The following TGFBRAP1 variants were observed in gnomAD, a reference collection of about 807,000 sequenced individuals.
The protein encoded by TGFBRAP1 is transforming growth factor-beta receptor-associated protein 1.
TGFBRAP1 carries 20 observed loss-of-function variants against 83.2 expected under a neutral mutation model. The ratio of observed to expected loss-of-function variants is 0.24; its 90% CI spans 0.17 to 0.35. TGFBRAP1 has a LOEUF of 0.35. Ranked by LOEUF, TGFBRAP1 falls within the 10% of genes least tolerant of loss-of-function variation. TGFBRAP1 has a pLI of 1.00. For missense variants in TGFBRAP1, 950 were observed against 1,099.4 expected (o/e 0.86, Z 1.92); for synonymous variants, 415 against 459.8 (o/e 0.90, Z 1.25).
chr2:105,303,269 GAATAA>G (rs1345114080), intron 2 of TGFBRAP1, among the ~76,000 whole-genome samples: 1 of 152,124 alleles, frequency 6.6e-6, no homozygotes, highest in Non-Finnish European at 1.5e-5. Context: ...GTTTCTAAAA[GAATAA>G]AATAAAATAA....
At chr2:105,309,083 T>C (rs955083703) in intron 1 of TGFBRAP1, among the ~76,000 whole-genome samples, 3 of 152,200 alleles carry the variant, frequency 2.0e-5, no homozygotes. Flanking sequence ...TGGCTCCCAT[T>C]GGAAGTGAGA....
intron 1 of TGFBRAP1, among the ~76,000 whole-genome samples, chr2:105,321,840 C>T (rs1679077575): frequency 6.6e-6 from 1 of 152,206 alleles, no homozygotes; most frequent in African/African-American, 2.4e-5. Flanking sequence ...AAAAGTCTAG[C>T]ACATTCAATT....
chr2:105,296,684 G>A (rs1462467554), intron 3 of TGFBRAP1, among the ~76,000 whole-genome samples, 174 bp from the exon 4 acceptor site: 1 of 147,942 alleles, frequency 6.8e-6, no homozygotes, highest in Non-Finnish European at 1.5e-5. Context: ...TTCCCACACT[G>A]TCAACTGTCA....
Position 105,269,313 on chromosome 2 carries a change from C to T in TGFBRAP1, c.2365G>A (p.Gly789Ser), listed in dbSNP as rs1232679356. 72 of 1,611,590 alleles carry T rather than the reference C, an allele frequency of 4.5e-5. No homozygotes were observed. Among genetic ancestry groups the T allele is most frequent in the Middle Eastern group, 1.7e-4 (1 of 6,056 alleles). ...HARRTMQVAL[G>S]LARSENLIYT... ...ATTAAGTTTTCGGACCTGGCCAGGC[C>T]GAGAGCCACCTGCATGGTCCTCCTG... The change falls in exon 11 of 12, where the codon GGC becomes AGC. Residue 789 changes from glycine to serine, a missense_variant. By Grantham distance (56) the Gly-to-Ser change is moderately conservative. Transcript: ENST00000393359. This position sits in a 1 kb window ranked among gnomAD's most constrained non-coding sequence, Gnocchi z 4.1.
At chr2:105,256,450 C>T in the TGFBRAP1 span, among the ~76,000 whole-genome samples, 13 of 152,304 alleles carry the variant, frequency 8.5e-5, no homozygotes, top group Admixed American at 3.9e-4. Context: ...CTGGCTTACC[C>T]GCACTGCCCA....
At chr2:105,299,004 C>T (rs1376303154) in intron 2 of TGFBRAP1, among the ~76,000 whole-genome samples, 2 of 152,132 alleles carry the variant, frequency 1.3e-5, no homozygotes, top group African/African-American at 2.4e-5. Context: ...ATAGGCCGGA[C>T]GTGGTGGCTC....
At chr2:105,310,947 C>T (rs1331948675) in intron 1 of TGFBRAP1, among the ~76,000 whole-genome samples, 1 of 152,070 alleles carries the variant, frequency 6.6e-6, no homozygotes, top group African/African-American at 2.4e-5. Flanking sequence ...GAGAAACAAA[C>T]TCTGGGCACC....
intron 1 of TGFBRAP1, among the ~76,000 whole-genome samples, chr2:105,321,176 T>A (rs1975293): frequency 0.2 from 30,484 of 151,888 alleles, 3,355 homozygotes; most frequent in African/African-American, 0.28. Context: ...TTATTTTTTT[T>A]TTTTTTGAGA....
chr2:105,296,614 T>G (rs1678098878), intron 3 of TGFBRAP1, 104 bp from the exon 4 acceptor site: 13 of 1,272,544 alleles, frequency 1.0e-5, no homozygotes, highest in Non-Finnish European at 1.4e-5. Flanking sequence ...GTTCAACAAC[T>G]TCACCATAGT....
the TGFBRAP1 span, among the ~76,000 whole-genome samples, chr2:105,255,846 C>T: frequency 3.3e-5 from 5 of 152,090 alleles, no homozygotes; most frequent in African/African-American, 4.8e-5. Flanking sequence ...GCCACAACCA[C>T]GGGAAGGCTC....
Position 105,269,602 on chromosome 2 carries a change from G to A in TGFBRAP1, c.2076C>T (p.Asp692=), listed in dbSNP as rs1480712019. Residue 692 remains aspartate, a synonymous_variant, in exon 11 of 12, where the codon GAC becomes GAT. Coordinates refer to ENST00000393359, the MANE Select transcript of TGFBRAP1 (RefSeq NM_004257.6). This position sits in a 1 kb window ranked among gnomAD's most constrained non-coding sequence, Gnocchi z 4.1. ...GGCAGTAGTCCTCGGCCGCTGCAAAGTCCTGCAGCTCGTGCACCAGGATAT... is the reference window on the plus strand; with the variant it reads ...GGCAGTAGTCCTCGGCCGCTGCAAAATCCTGCAGCTCGTGCACCAGGATAT... ...ALHILVHELQ[D]FAAAEDYCLW... is the part of the protein sequence containing the mutation. 3 of 1,609,070 alleles carry A rather than the reference G, an allele frequency of 1.9e-6. No homozygotes were observed. The African/African-American group carries it at 4.0e-5, about 21-fold the overall frequency.
At chr2:105,286,038 C>T (rs1490775748) in intron 4 of TGFBRAP1, among the ~76,000 whole-genome samples, 1 of 152,172 alleles carries the variant, frequency 6.6e-6, no homozygotes, top group African/African-American at 2.4e-5. Flanking sequence ...CTCAATCACA[C>T]CCAGGCTTGT....
At chr2:105,324,249 T>G (rs1442595734) in intron 1 of TGFBRAP1, 1 of 152,204 alleles carries the variant, frequency 6.6e-6, no homozygotes, top group African/African-American at 2.4e-5. Flanking sequence ...CTGGGTAAAG[T>G]GTATTCATGA....
downstream of TGFBRAP1, among the ~76,000 whole-genome samples, chr2:105,260,981 T>C (rs937156640): frequency 2.0e-5 from 3 of 152,244 alleles, no homozygotes; most frequent in African/African-American, 4.8e-5. Context: ...TACATCATTA[T>C]GTCTTGTAAA....
the TGFBRAP1 span, among the ~76,000 whole-genome samples, chr2:105,253,001 G>A: frequency 3.1e-4 from 47 of 152,226 alleles, no homozygotes; most frequent in African/African-American, 8.4e-4. Flanking sequence ...TGATCTGCCC[G>A]CCTCAGCCTC....
At position 105,280,414 on chromosome 2, in the gene TGFBRAP1, C is replaced by T. The variant is rs769169404; in HGVS notation, c.1431G>A (p.Thr477=). The change falls in exon 6 of 12, where the codon ACG becomes ACA. Residue 477 remains threonine, a synonymous_variant. Transcript: ENST00000393359. ...GCTTCTCTAGCCAGGCAGCACTGTC[C>T]GTCAGAAGACAGAAGTTCTCAGTGA... is the stretch of plus-strand genomic sequence containing the variant. ...LLVTENFCLL[T]DSAAWLEKHK... is the part of the protein sequence containing the mutation. The T allele has an allele frequency of 1.6e-5, 26 of 1,613,890 alleles. No individual in the cohort carries two copies. The highest frequency in any genetic ancestry group is 1.2e-4 in the South Asian group (11 of 91,064).
chr2:105,278,394 G>T (rs1465118859), intron 6 of TGFBRAP1, among the ~76,000 whole-genome samples: 3 of 152,116 alleles, frequency 2.0e-5, no homozygotes, highest in African/African-American at 7.2e-5. Context: ...TGAGAAGGAG[G>T]GCAGGGGCTC....
At chr2:105,310,071 T>C (rs1275063436) in intron 1 of TGFBRAP1, among the ~76,000 whole-genome samples, 1 of 152,156 alleles carries the variant, frequency 6.6e-6, no homozygotes, top group Non-Finnish European at 1.5e-5. Context: ...ATTAATTACC[T>C]AGTGTATGGT....
At chr2:105,255,891 G>A in the TGFBRAP1 span, among the ~76,000 whole-genome samples, 2 of 151,852 alleles carry the variant, frequency 1.3e-5, no homozygotes, top group Admixed American at 6.6e-5. Flanking sequence ...TCTGCCTCCT[G>A]ACCAACCTGG....
Sources: allele counts gnomAD v4.1 joint callset (sites outside exome capture counted in the v4.1 genomes callset), GRCh38; gene constraint gnomAD v4.1.1; non-coding constraint Gnocchi (gnomAD v3.1); transcripts MANE v1.5; gene names NCBI Gene and HGNC (gene_info 2026-07-23, HGNC 2026-07-21).